The following ZC3H8 variants were observed in gnomAD, a reference collection of about 807,000 sequenced individuals.
ZC3H8 encodes the protein zinc finger CCCH domain-containing protein 8.
A neutral mutation model predicts 42.5 loss-of-function variants in ZC3H8; 27 were observed. That is an observed-to-expected ratio of 0.64 (90% CI 0.47 to 0.88). ZC3H8 has a LOEUF of 0.88. Ranked by LOEUF, ZC3H8 falls within the 40% of genes least tolerant of loss-of-function variation. ZC3H8 has a pLI of 0.00. For synonymous variants in ZC3H8, 101 were observed against 110.1 expected, an observed-to-expected ratio of 0.92 and a Z score of 0.52; for missense variants, 277 against 336.1, an observed-to-expected ratio of 0.82 and a Z score of 1.37.
chr2:112,234,068 CAGAAAG>C, intron 5 of ZC3H8, 46 bp downstream of exon 5: 1 of 1,050,290 alleles, frequency 9.5e-7, no homozygotes. Flanking sequence ...GAGTATCAAA[CAGAAAG>C]AGCAGTTTTA....
At chr2:112,240,952 AGTGTGTGTGTGTGT>A (rs67273091) in intron 2 of ZC3H8, among the ~76,000 whole-genome samples, 5 of 142,602 alleles carry the variant, frequency 3.5e-5, no homozygotes, top group Admixed American at 1.4e-4. Context: ...TACAGGTAAC[AGTGTGTGTGTGTGT>A]GTGTGTGTGT....
intron 8 of ZC3H8, among the ~76,000 whole-genome samples, chr2:112,227,167 T>G (rs1039365830): frequency 6.6e-6 from 1 of 152,204 alleles, no homozygotes; most frequent in African/African-American, 2.4e-5. Context: ...TATTTAACCT[T>G]GTATAGAAGG....
At position 112,214,348 on chromosome 2, in the gene ZC3H8, A is replaced by G. The variant is rs1684248336; in HGVS notation, c.*2136T>C. ...ACTTTATCCCGTTTGCTTTGGCTTT[A>G]AAGACGGTCAAGGATAAATTCAATA... On this transcript the variant is annotated 3_prime_UTR_variant, in exon 9 of 9. Coordinates refer to ENST00000409573, the MANE Select transcript of ZC3H8 (RefSeq NM_032494.3). 1 of 152,156 alleles carries G rather than the reference A, an allele frequency of 6.6e-6. No individual in the cohort carries two copies. The highest frequency in any genetic ancestry group is 1.5e-5 in the Non-Finnish European group (1 of 68,038). 9.4% of individuals were successfully genotyped at this position (152,156 alleles called of 1,614,324 possible).
At chr2:112,238,656 A>G (rs1013975242) in intron 2 of ZC3H8, 128 bp from the exon 3 acceptor site, 2 of 661,894 alleles carry the variant, frequency 3.0e-6, no homozygotes. Context: ...CATGGGATTC[A>G]TATACTATTC....
At chr2:112,220,434 C>A (rs146015259) in intron 8 of ZC3H8, among the ~76,000 whole-genome samples, 2,300 of 152,190 alleles carry the variant, frequency 0.015, 56 homozygotes, top group African/African-American at 0.052. Flanking sequence ...ATATAAAATT[C>A]TTGGTTGAAA....
chr2:112,249,125 G>C (rs990408746), intron 2 of ZC3H8, among the ~76,000 whole-genome samples: 1 of 152,170 alleles, frequency 6.6e-6, no homozygotes, highest in African/African-American at 2.4e-5. Flanking sequence ...CTTGAGTCCA[G>C]AAGGAGGTTG....
chr2:112,219,798 T>C (rs533779644), intron 8 of ZC3H8, among the ~76,000 whole-genome samples: 1 of 152,274 alleles, frequency 6.6e-6, no homozygotes, highest in South Asian at 2.1e-4. Context: ...TGGTCAAGTA[T>C]AGAGTTCAGG....
At chr2:112,216,635 T>A (rs1340152105) in intron 8 of ZC3H8, among the ~76,000 whole-genome samples, 167 bp from the exon 9 acceptor site, 2 of 135,198 alleles carry the variant, frequency 1.5e-5, no homozygotes, top group Non-Finnish European at 1.6e-5. Context: ...TTGGGAAAAT[T>A]AAAGAACATT....
chr2:112,241,356 C>G (rs958343446), intron 2 of ZC3H8, among the ~76,000 whole-genome samples: 61 of 152,098 alleles, frequency 4.0e-4, no homozygotes, highest in African/African-American at 1.4e-3. Context: ...CTTCCATGGG[C>G]TGGCATTTGG....
rs1685348885 is a variant in ZC3H8 at position 112,236,667 on chromosome 2, T to C, written c.399A>G (p.Lys133=). Residue 133 remains lysine, a synonymous_variant, in exon 4 of 9, where the codon AAA becomes AAG. Transcript: ENST00000409573. ...QAAKQKNKNL[K]AGHKNGKQKK... is the part of the protein sequence containing the mutation. ...TCTGTTTGCCATTCTTGTGACCAGC[T>C]TTAAGATTTTTATTTTTTTGTTTAG... 1 of 1,612,228 alleles carries C rather than the reference T, an allele frequency of 6.2e-7. No individual in the cohort carries two copies. Among genetic ancestry groups the C allele is most frequent in the Non-Finnish European group, 8.5e-7 (1 of 1,179,350 alleles).
intron 1 of ZC3H8, chr2:112,254,219 T>C: frequency 1.1e-6 from 1 of 909,294 alleles, no homozygotes; most frequent in East Asian, 1.2e-4. Flanking sequence ...ATAAAAGACG[T>C]AGGTTTAAGA....
chr2:112,248,141 C>A (rs1157587039), intron 2 of ZC3H8, among the ~76,000 whole-genome samples: 1 of 152,098 alleles, frequency 6.6e-6, no homozygotes, highest in Non-Finnish European at 1.5e-5. Flanking sequence ...GCCTGGGCAA[C>A]ATGATGAAAC....
At chr2:112,224,214 TTA>T (rs1307220654) in intron 8 of ZC3H8, among the ~76,000 whole-genome samples, 1 of 152,200 alleles carries the variant, frequency 6.6e-6, no homozygotes, top group Non-Finnish European at 1.5e-5. Context: ...AAAATTTAGT[TTA>T]TATCAGGAAC....
chr2:112,237,835 G>C (rs536587294), intron 3 of ZC3H8, among the ~76,000 whole-genome samples: 1 of 152,196 alleles, frequency 6.6e-6, no homozygotes, highest in Admixed American at 6.5e-5. Flanking sequence ...CCAAAGTGCT[G>C]GGATTACAGG....
At chr2:112,250,386 C>T in intron 1 of ZC3H8, 114 bp from the exon 2 acceptor site, 1 of 591,492 alleles carries the variant, frequency 1.7e-6, no homozygotes, top group Middle Eastern at 2.7e-4. Context: ...AAAGAAATTA[C>T]AAATTCAAAT....
chr2:112,226,404 C>T (rs62158720), intron 8 of ZC3H8, among the ~76,000 whole-genome samples: 492 of 151,630 alleles, frequency 3.2e-3, no homozygotes, highest in Non-Finnish European at 5.6e-3. Context: ...CTGGCTAACA[C>T]GGTGAAACCC....
rs1399469210 is a variant in ZC3H8 at position 112,236,564 on chromosome 2, C to T, written c.502G>A (p.Glu168Lys). 3 of 1,612,996 alleles carry T rather than the reference C, an allele frequency of 1.9e-6. No individual in the cohort carries two copies. The African/African-American group carries it at 4.0e-5, about 22-fold the overall frequency. ...CCTAGAAGCATATATTCCAATACCT[C>T]TTCCTGTGAGCCGCTGTTCCTCAGC... ...ALLRNSGSQEEDGKPKEKQQH... is the reference protein window; with the variant it reads ...ALLRNSGSQEKDGKPKEKQQH... The change falls in exon 4 of 9, where the codon GAG (glutamate) becomes AAG (lysine). Residue 168 changes from glutamate to lysine, a missense_variant and splice_region_variant. Glu to Lys is a moderately conservative substitution (Grantham distance 56). Transcript: ENST00000409573.
chr2:112,239,977 A>C (rs1685514583), intron 2 of ZC3H8, among the ~76,000 whole-genome samples: 1 of 152,230 alleles, frequency 6.6e-6, no homozygotes, highest in East Asian at 1.9e-4. Flanking sequence ...TCCCTGCTTA[A>C]AGAATCCAAA....
At chr2:112,253,291 C>G (rs1686019743) in intron 1 of ZC3H8, among the ~76,000 whole-genome samples, 1 of 152,056 alleles carries the variant, frequency 6.6e-6, no homozygotes, top group Admixed American at 6.6e-5. Context: ...AATGTAAATT[C>G]ATTAGTACAG....
Sources: gnomAD v4.1 joint callset for allele counts (sites outside exome capture counted in the v4.1 genomes callset) on GRCh38, gnomAD v4.1.1 for gene constraint, MANE v1.5 for transcripts, NCBI Gene and HGNC (gene_info 2026-07-23, HGNC 2026-07-21) for gene names.